CECR2: variants seen among roughly 807,000 people sequenced by gnomAD.
CECR2 encodes the protein CECR2 histone acetyl-lysine reader, also known as chromatin remodeling regulator CECR2.
Under a neutral mutation model 154.5 loss-of-function variants are expected in CECR2, and 30 were observed. That is an observed-to-expected ratio of 0.19 (90% CI 0.15 to 0.26). The LOEUF (loss-of-function observed/expected upper bound fraction) is 0.26, where lower values mean the gene tolerates loss of function less well. CECR2 is among the 10% of genes least tolerant of loss of function. The pLI, the probability that CECR2 is intolerant of heterozygous loss-of-function variation, is 1.00. For synonymous variants in CECR2, 725 were observed against 683.7 expected (o/e 1.06, Z -0.94); for missense variants, 1,743 against 1,829.3 (o/e 0.95, Z 0.86).
At chr22:17,511,574 A>G (rs4819596) in intron 7 of CECR2, among the ~76,000 whole-genome samples, 13,378 of 150,282 alleles carry the variant, frequency 0.089, 637 homozygotes, top group South Asian at 0.17. Flanking sequence ...CCAGTGATAC[A>G]TATTATAAAA....
chr22:17,381,894 T>TTG (rs1555900159), intron 1 of CECR2, among the ~76,000 whole-genome samples: 37 of 146,886 alleles, frequency 2.5e-4, no homozygotes, highest in African/African-American at 9.4e-4. Flanking sequence ...ATTTTTTTTT[T>TTG]TTGTTTTTTT....
intron 1 of CECR2, among the ~76,000 whole-genome samples, chr22:17,387,715 CAG>C (rs1454345108): frequency 6.6e-6 from 1 of 152,138 alleles, no homozygotes; most frequent in Non-Finnish European, 1.5e-5. Context: ...TGTTATATAA[CAG>C]AATGCCCTTT....
intron 5 of CECR2, 97 bp from the exon 6 acceptor site, chr22:17,502,985 T>G (rs2055766235): frequency 4.9e-6 from 5 of 1,021,730 alleles, no homozygotes; most frequent in Admixed American, 4.2e-5. Context: ...TACACTCTCT[T>G]TGTGTTAAAT....
intron 16 of CECR2, 150 bp from the exon 17 acceptor site, chr22:17,547,998 C>T: frequency 1.4e-6 from 1 of 703,392 alleles, no homozygotes. Context: ...ACCCCAATGT[C>T]CTGCCCTCTT....
rs541680804 is a variant in CECR2, at chr22:17,391,397, A to G, written c.126+21488A>G. Reference sequence around the variant, plus strand: ...GATTTAAATTTCAAGCTGCAGGGCTACTAGTGAAGTAATTACAACAGAGAG... The same window carrying G: ...GATTTAAATTTCAAGCTGCAGGGCTGCTAGTGAAGTAATTACAACAGAGAG... On this transcript the variant is annotated intron_variant, in intron 1 of 18. Transcript: ENST00000262608. Among the ~76,000 whole-genome samples, 5 of 152,350 alleles carry G rather than the reference A, an allele frequency of 3.3e-5. No homozygotes were observed. In the East Asian group the frequency reaches 9.7e-4, roughly 29 times the overall value.
chr22:17,427,271 A>C, intron 1 of CECR2, among the ~76,000 whole-genome samples: 1 of 152,096 alleles, frequency 6.6e-6, no homozygotes, highest in East Asian at 1.9e-4. Context: ...ATTGATAGAC[A>C]TTTGGGTTGA....
At chr22:17,489,226 C>T (rs1433333620) in intron 2 of CECR2, among the ~76,000 whole-genome samples, 1 of 152,218 alleles carries the variant, frequency 6.6e-6, no homozygotes, top group East Asian at 1.9e-4. Context: ...AGCCACCTCG[C>T]CCGGCCTAGT....
chr22:17,466,216 C>T (rs1477695479), intron 1 of CECR2, among the ~76,000 whole-genome samples: 4 of 152,106 alleles, frequency 2.6e-5, no homozygotes, highest in African/African-American at 9.7e-5. Flanking sequence ...TGAGCCAGAG[C>T]GCCTGGCCTT....
intron 1 of CECR2, among the ~76,000 whole-genome samples, chr22:17,373,132 G>T (rs1262086027): frequency 6.6e-6 from 1 of 151,998 alleles, no homozygotes; most frequent in Non-Finnish European, 1.5e-5. Flanking sequence ...GCGCGACCTC[G>T]GCTCACTGCA....
At position 17,502,941 on chromosome 22, in the gene CECR2, C is replaced by T. The variant is rs77150705; in HGVS notation, c.651-141C>T. ...CTTAGTGTTCATTTATTCAGCGTTC[C>T]GCCTCCAAGCCTTGTCCCCTTAACA... is the stretch of plus-strand genomic sequence containing the variant. On this transcript the variant is annotated intron_variant, in intron 5 of 18. Coordinates refer to ENST00000262608, the MANE Select transcript of CECR2 (RefSeq NM_001290047.2). The T allele has an allele frequency of 5.5e-3, 3,599 of 658,068 alleles. 82 individuals carry two copies. Among genetic ancestry groups the T allele is most frequent in the Admixed American group, 0.054 (1,914 of 35,258 alleles). 40.8% of individuals were successfully genotyped at this position (658,068 alleles called of 1,614,324 possible). A position where few individuals can be genotyped will look rare whatever the true frequency, so the allele number is the denominator to read the frequency against.
At position 17,548,127 on chromosome 22, in the gene CECR2, TC is replaced by T; in HGVS notation, c.2861-20del. The T allele has an allele frequency of 1.4e-6, 2 of 1,408,506 alleles. No individual in the cohort carries two copies. The highest frequency in any genetic ancestry group is 1.9e-6 in the Non-Finnish European group (2 of 1,064,456). The allele number at this position is 1,408,506 out of a possible 1,614,324, so 87.3% of individuals were successfully genotyped here. ...TCAGCTACTGAGTTATTTTTTCTCC[TC>T]TTTTTTTTTTTTTTTGCAGCAGAGC... On this transcript the variant is annotated intron_variant, in intron 16 of 18. Transcript: ENST00000262608.
chr22:17,478,948 T>C (rs1008061708), intron 2 of CECR2, among the ~76,000 whole-genome samples: 1 of 152,056 alleles, frequency 6.6e-6, no homozygotes, highest in African/African-American at 2.4e-5. Flanking sequence ...GTTTGTAATT[T>C]TTAAGCACTG....
Position 17,540,714 on chromosome 22 carries a change from G to C in CECR2, c.1798G>C (p.Glu600Gln). 1.2e-6 allele frequency: 2 copies of C among 1,613,222 alleles called. No individual in the cohort carries two copies. The highest frequency in any genetic ancestry group is 1.7e-6 in the Non-Finnish European group (2 of 1,179,530). The change falls in exon 14 of 19, where the codon GAG (glutamate) becomes CAG (glutamine). Residue 600 changes from glutamate (E) to glutamine (Q), a missense_variant. This residue lies in a region of CECR2 where 1,250 missense variants were observed against 1,192.1 expected (regional missense o/e 1.05). Transcript: ENST00000262608. ...QSSSSTQPPR[E>Q]VGTSNGRGFS... Reference sequence around the variant, plus strand: ...CAGCAGCTCCACACAGCCCCCGCGGGAGGTGGGCACTTCCAATGGCCGAGG... The same window carrying C: ...CAGCAGCTCCACACAGCCCCCGCGGCAGGTGGGCACTTCCAATGGCCGAGG...
Position 17,497,536 on chromosome 22 carries a change from C to T in CECR2, c.355C>T (p.Arg119Ter), listed in dbSNP as rs1000953634. The change falls in exon 3 of 19, where the codon CGA becomes TGA. Residue 119 changes from arginine to a stop codon, truncating the protein, a stop_gained. Transcript: ENST00000262608. LOFTEE classifies it high-confidence loss of function. ...TCGCACACGGGTGGAGATCCTGCAC[C>T]GACTCTGTGATTACCGGCTGGATGC... ...PLRTRVEILHRLCDYRLDADD... is the reference protein window; with the variant it reads ...PLRTRVEILH 1 of 1,613,864 alleles carries T rather than the reference C, an allele frequency of 6.2e-7. No homozygotes were observed.
intron 1 of CECR2, among the ~76,000 whole-genome samples, chr22:17,375,200 A>G (rs944043747): frequency 1.3e-5 from 2 of 150,248 alleles, no homozygotes; most frequent in African/African-American, 4.9e-5. Context: ...TGCAACCTCC[A>G]CCTCCTGGGT....
At chr22:17,395,047 A>G (rs1345468709) in intron 1 of CECR2, among the ~76,000 whole-genome samples, 2 of 152,334 alleles carry the variant, frequency 1.3e-5, no homozygotes, top group Non-Finnish European at 2.9e-5. Flanking sequence ...CCTACCATCA[A>G]TCAAGATACA....
chr22:17,492,479 C>G (rs2055549343), intron 2 of CECR2, among the ~76,000 whole-genome samples: 1 of 152,160 alleles, frequency 6.6e-6, no homozygotes, highest in Non-Finnish European at 1.5e-5. Context: ...CTGTCTGGAG[C>G]AAGCTGAGAA....
At chr22:17,410,269 G>A (rs1426423537) in intron 1 of CECR2, among the ~76,000 whole-genome samples, 1 of 151,976 alleles carries the variant, frequency 6.6e-6, no homozygotes, top group Non-Finnish European at 1.5e-5. Context: ...GTGAGCCACC[G>A]CGCCCGGCCC....
chr22:17,367,546 C>T (rs534526976), upstream of CECR2, among the ~76,000 whole-genome samples: 1 of 151,964 alleles, frequency 6.6e-6, no homozygotes, highest in Admixed American at 6.5e-5. Flanking sequence ...CCACCACACC[C>T]ATCTAATTTT....
Sources: gnomAD v4.1 joint callset for allele counts (sites outside exome capture counted in the v4.1 genomes callset) on GRCh38, gnomAD v4.1.1 for gene constraint, gnomAD v4.1.1 regional missense constraint, MANE v1.5 for transcripts, NCBI Gene and HGNC (gene_info 2026-07-23, HGNC 2026-07-21) for gene names.